Variants in FRMD5 observed in about 807,000 individuals in gnomAD.
FRMD5 encodes FERM domain-containing protein 5.
In FRMD5, 20 loss-of-function variants were observed where a neutral mutation model predicts 69.0. The ratio of observed to expected loss-of-function variants is 0.29; its 90% CI spans 0.20 to 0.42. The LOEUF (loss-of-function observed/expected upper bound fraction) is 0.42. FRMD5 is among the 10% of genes least tolerant of loss of function. The pLI is 1.00. For missense variants in FRMD5, 595 were observed against 708.6 expected (o/e 0.84, Z 1.82); for synonymous variants, 271 against 260.1 (o/e 1.04, Z -0.40).
chr15:43,955,241 G>T (rs375678122), intron 1 of FRMD5, among the ~76,000 whole-genome samples: 4 of 152,178 alleles, frequency 2.6e-5, no homozygotes. Flanking sequence ...CCCTTGGAAA[G>T]TCACTTCCCA....
At chr15:43,940,798 T>A (rs1371904977) in intron 1 of FRMD5, among the ~76,000 whole-genome samples, 1 of 152,150 alleles carries the variant, frequency 6.6e-6, no homozygotes, top group Non-Finnish European at 1.5e-5. Context: ...GAATTAGGAA[T>A]GGAGGATAAT....
chr15:44,142,966 T>C (rs1294848562), intron 1 of FRMD5, among the ~76,000 whole-genome samples: 8 of 152,062 alleles, frequency 5.3e-5, no homozygotes, highest in Admixed American at 1.3e-4. Flanking sequence ...GGCGCGGGCC[T>C]GCAGTCTCAG....
intron 1 of FRMD5, among the ~76,000 whole-genome samples, chr15:44,020,741 T>A (rs1424606649): frequency 6.6e-6 from 1 of 152,248 alleles, no homozygotes; most frequent in Non-Finnish European, 1.5e-5. Flanking sequence ...TCTTCATCAC[T>A]TTCTTGAGTC....
At chr15:43,953,122 T>C (rs1296748773) in intron 1 of FRMD5, among the ~76,000 whole-genome samples, 2 of 152,210 alleles carry the variant, frequency 1.3e-5, no homozygotes, top group Admixed American at 6.5e-5. Context: ...CCAGGGGCTA[T>C]GAAATCCAAG....
intron 1 of FRMD5, among the ~76,000 whole-genome samples, chr15:44,031,841 C>G (rs527861428): frequency 8.5e-5 from 13 of 152,218 alleles, no homozygotes; most frequent in African/African-American, 2.9e-4. Flanking sequence ...GGACATCTTT[C>G]ATTTTTATCA....
chr15:43,976,883 T>C (rs1450872337), intron 1 of FRMD5, among the ~76,000 whole-genome samples: 3 of 151,436 alleles, frequency 2.0e-5, no homozygotes, highest in Non-Finnish European at 2.9e-5. Context: ...CAGGCTGGAG[T>C]GCAGTAGCGT....
chr15:44,154,915 A>T (rs775309579), intron 1 of FRMD5, among the ~76,000 whole-genome samples: 1 of 152,198 alleles, frequency 6.6e-6, no homozygotes, highest in Non-Finnish European at 1.5e-5. Flanking sequence ...AAATGGGTGA[A>T]TTGTAGGACA....
intron 1 of FRMD5, among the ~76,000 whole-genome samples, chr15:44,130,386 A>G (rs2077082365): frequency 6.6e-6 from 1 of 152,180 alleles, no homozygotes. Flanking sequence ...TTTTCCAAAG[A>G]TTACACTTCA....
intron 1 of FRMD5, among the ~76,000 whole-genome samples, chr15:44,085,430 C>T (rs1208389680): frequency 6.6e-6 from 1 of 152,034 alleles, no homozygotes; most frequent in Non-Finnish European, 1.5e-5. Context: ...AAATACATAG[C>T]TAAGTTTTCA....
At chr15:44,172,711 T>C (rs567240467) in intron 1 of FRMD5, among the ~76,000 whole-genome samples, 1 of 152,328 alleles carries the variant, frequency 6.6e-6, no homozygotes, top group African/African-American at 2.4e-5. Context: ...AGAATACCCA[T>C]TCATCTCAGA....
intron 1 of FRMD5, among the ~76,000 whole-genome samples, chr15:44,007,946 T>C (rs1221196365): frequency 1.3e-5 from 2 of 151,968 alleles, no homozygotes; most frequent in Non-Finnish European, 2.9e-5. Flanking sequence ...GCCTGGCTGC[T>C]AATTTTTTTT....
At chr15:44,149,837 A>G (rs573077842) in intron 1 of FRMD5, among the ~76,000 whole-genome samples, 1 of 152,310 alleles carries the variant, frequency 6.6e-6, no homozygotes, top group Admixed American at 6.5e-5. Context: ...CAAAGCAAAG[A>G]CAGTATTAAA....
intron 1 of FRMD5, among the ~76,000 whole-genome samples, chr15:44,002,575 G>C (rs1194404678): frequency 6.6e-6 from 1 of 152,026 alleles, no homozygotes; most frequent in African/African-American, 2.4e-5. Flanking sequence ...GGGGGTCCGC[G>C]TGAGAGGCTC....
At chr15:43,999,761 T>G (rs1264910028) in intron 1 of FRMD5, among the ~76,000 whole-genome samples, 1 of 151,842 alleles carries the variant, frequency 6.6e-6, no homozygotes, top group Non-Finnish European at 1.5e-5. Flanking sequence ...GACTTCCTCC[T>G]TTTTACAGGC....
At chr15:43,988,589 T>C (rs572807278) in intron 1 of FRMD5, among the ~76,000 whole-genome samples, 3 of 151,918 alleles carry the variant, frequency 2.0e-5, no homozygotes, top group East Asian at 1.9e-4. Flanking sequence ...ACATCTCAAG[T>C]TGGGGGACAA....
chr15:44,104,037 C>CT (rs1237730517), intron 1 of FRMD5, among the ~76,000 whole-genome samples: 1 of 152,052 alleles, frequency 6.6e-6, no homozygotes, highest in Non-Finnish European at 1.5e-5. Flanking sequence ...TTATACTATA[C>CT]TTTTTATCAT....
At chr15:44,133,576 C>CAAAAAAAAAAAAAAAAAAAACA (rs11326330) in intron 1 of FRMD5, among the ~76,000 whole-genome samples, 1 of 86,958 alleles carries the variant, frequency 1.1e-5, no homozygotes, top group Non-Finnish European at 2.5e-5. Flanking sequence ...GAATCTGTCT[C>CAAAAAAAAAAAAAAAAAAAACA]AAAAAAAAAA....
In FRMD5 at chr15:44,060,536, A is replaced by C. The variant is rs371488710; in HGVS notation, c.102+134417T>G. ...TTCTCTGTTTAAAAAGGTACATCTT[A>C]GAAATATTCCCTTCAAAATTAAAGT... is the stretch of plus-strand genomic sequence containing the variant. On this transcript the variant is annotated intron_variant, in intron 1 of 13. Transcript: ENST00000417257. Among the ~76,000 whole-genome samples, 50 of 152,366 alleles carry C rather than the reference A, an allele frequency of 3.3e-4. 1 individual carries two copies. The highest frequency in any genetic ancestry group is 1.2e-3 in the African/African-American group (49 of 41,594).
chr15:44,128,807 G>T (rs992019461), intron 1 of FRMD5, among the ~76,000 whole-genome samples: 24 of 151,732 alleles, frequency 1.6e-4, no homozygotes, highest in Admixed American at 3.3e-4. Flanking sequence ...ATTTGAACAA[G>T]GATAGAAATA....
Sources: gnomAD v4.1 joint callset for allele counts (sites outside exome capture counted in the v4.1 genomes callset) on GRCh38, gnomAD v4.1.1 for gene constraint, MANE v1.5 for transcripts, NCBI Gene and HGNC (gene_info 2026-07-23, HGNC 2026-07-21) for gene names.